COL21A1: variants seen among roughly 807,000 people sequenced by gnomAD.
COL21A1 encodes collagen alpha-1(XXI) chain.
COL21A1 carries 149 observed loss-of-function variants against 137.9 expected under a neutral mutation model. The ratio of observed to expected loss-of-function variants is 1.08; its 90% CI spans 0.95 to 1.24. COL21A1 has a LOEUF of 1.24. Ranked by LOEUF, COL21A1 falls within the 50% of genes most tolerant of loss-of-function variation. The pLI is 0.00. For synonymous variants in COL21A1, 456 were observed against 391.5 expected (o/e 1.16, Z -1.95); for missense variants, 1,167 against 1,158.4 (o/e 1.01, Z -0.11).
intron 1 of COL21A1, among the ~76,000 whole-genome samples, chr6:56,341,758 T>TTAC (rs1211363460): frequency 1.3e-5 from 2 of 152,086 alleles, no homozygotes; most frequent in African/African-American, 4.8e-5. Flanking sequence ...GGTTCATGGC[T>TTAC]TGTAACAAGT....
In COL21A1 at chr6:56,179,560, A is replaced by C. The variant is rs1325233380; in HGVS notation, c.640+18T>G. The C allele has an allele frequency of 6.4e-7, 1 of 1,572,344 alleles. No individual in the cohort carries two copies. The highest frequency in any genetic ancestry group is 8.7e-7 in the Non-Finnish European group (1 of 1,156,054). Reference sequence around the variant, plus strand: ...TATTAATTGCTTCCAAATTATATTAAGGCATTTTAAGGCTTACCTTCACAA... The same window carrying C: ...TATTAATTGCTTCCAAATTATATTACGGCATTTTAAGGCTTACCTTCACAA... On this transcript the variant is annotated intron_variant, in intron 3 of 29. Transcript: ENST00000244728.
Position 56,183,921 on chromosome 6 carries a change from G to C in COL21A1, c.-38-1265C>G, listed in dbSNP as rs146832961. Among the ~76,000 whole-genome samples the C allele has an allele frequency of 5.1e-4, 78 of 152,144 alleles. 1 individual carries two copies. The East Asian group carries it at 0.011, about 22-fold the overall frequency. Reference sequence around the variant, plus strand: ...AACATCAGAAAATGGTTTATGCAACGGGTTTACCTGCATCCACTGGAGGAA... The same window carrying C: ...AACATCAGAAAATGGTTTATGCAACCGGTTTACCTGCATCCACTGGAGGAA... On this transcript the variant is annotated intron_variant, in intron 1 of 29. Coordinates refer to ENST00000244728, the MANE Select transcript of COL21A1 (RefSeq NM_030820.4).
chr6:56,382,953 G>A (rs1039894196), intron 1 of COL21A1, among the ~76,000 whole-genome samples: 10 of 152,016 alleles, frequency 6.6e-5, no homozygotes, highest in Middle Eastern at 3.4e-3. Context: ...ATAGTCCCCC[G>A]ACCCATACCT....
upstream of COL21A1, among the ~76,000 whole-genome samples, chr6:56,250,476 C>T (rs1479163347): frequency 6.6e-6 from 1 of 152,146 alleles, no homozygotes; most frequent in Non-Finnish European, 1.5e-5. Flanking sequence ...ATCTGAGAAC[C>T]ATCCCAGGCT....
chr6:56,312,451 T>C (rs1331900413), intron 1 of COL21A1, among the ~76,000 whole-genome samples: 1 of 152,180 alleles, frequency 6.6e-6, no homozygotes, highest in Non-Finnish European at 1.5e-5. Flanking sequence ...ATGTTGGTAT[T>C]TCTGAGTCAG....
intron 3 of COL21A1, among the ~76,000 whole-genome samples, chr6:56,173,659 A>G (rs1353670927): frequency 1.3e-5 from 2 of 152,192 alleles, no homozygotes; most frequent in African/African-American, 2.4e-5. Flanking sequence ...GGAAGATATA[A>G]TAATTATGAT....
At chr6:56,124,778 A>G (rs1772877313) in intron 14 of COL21A1, among the ~76,000 whole-genome samples, 1 of 151,814 alleles carries the variant, frequency 6.6e-6, no homozygotes, top group Non-Finnish European at 1.5e-5. Flanking sequence ...AGTAGCTGGG[A>G]CTACAGGCGC....
rs1771426841 is a variant in COL21A1, at chr6:56,111,474, G to T, written c.1759-9949C>A. Among the ~76,000 whole-genome samples, 3 of 152,262 alleles carry T rather than the reference G, an allele frequency of 2.0e-5. No individual in the cohort carries two copies. In the South Asian group the frequency reaches 6.2e-4, roughly 32 times the overall value. ...TCTTAGTTTTGACAAATATACCATA[G>T]TAATATAAAATGTTAACTTCAACAG... is the stretch of plus-strand genomic sequence containing the variant. On this transcript the variant is annotated intron_variant, in intron 16 of 29. Transcript: ENST00000244728.
At chr6:56,058,728 T>G (rs945908188) in intron 29 of COL21A1, among the ~76,000 whole-genome samples, 1 of 152,170 alleles carries the variant, frequency 6.6e-6, no homozygotes, top group Non-Finnish European at 1.5e-5. Context: ...GTATTTAATC[T>G]CCCAATAACG....
chr6:56,221,918 C>A (rs1780852595), intron 1 of COL21A1, among the ~76,000 whole-genome samples: 3 of 152,054 alleles, frequency 2.0e-5, no homozygotes, highest in Admixed American at 2.0e-4. Flanking sequence ...AACACACACA[C>A]AATTTCATGG....
intron 16 of COL21A1, among the ~76,000 whole-genome samples, chr6:56,105,612 A>G (rs1770818545): frequency 6.6e-6 from 1 of 152,172 alleles, no homozygotes; most frequent in African/African-American, 2.4e-5. Flanking sequence ...ATGATTTCCA[A>G]CCAGTTGGTG....
Position 56,128,722 on chromosome 6 carries a change from G to A in COL21A1, c.1543-2573C>T, listed in dbSNP as rs1366214150. ...CAGGCTGGAGTGAAGTGGTGTGATC[G>A]CGGCTCACTGCAACCTCTGCCCCCC... On this transcript the variant is annotated intron_variant, in intron 12 of 29. Transcript: ENST00000244728. Among the ~76,000 whole-genome samples, 5 of 152,126 alleles carry A rather than the reference G, an allele frequency of 3.3e-5. No individual in the cohort carries two copies. The South Asian group carries it at 8.3e-4, about 25-fold the overall frequency.
At chr6:56,314,180 T>C (rs1764676154) in intron 1 of COL21A1, among the ~76,000 whole-genome samples, 1 of 152,164 alleles carries the variant, frequency 6.6e-6, no homozygotes, top group Non-Finnish European at 1.5e-5. Context: ...AGGCAGGGTT[T>C]CACCATGTTG....
At chr6:56,120,069 G>T in intron 16 of COL21A1, among the ~76,000 whole-genome samples, 1 of 152,130 alleles carries the variant, frequency 6.6e-6, no homozygotes, top group Non-Finnish European at 1.5e-5. Context: ...ATGTTGAAAA[G>T]CTTCTGCACA....
At chr6:56,241,019 C>T (rs1031924920) in intron 1 of COL21A1, among the ~76,000 whole-genome samples, 12 of 152,130 alleles carry the variant, frequency 7.9e-5, no homozygotes, top group Non-Finnish European at 2.9e-5. Context: ...AACCCTGCTC[C>T]CTCCCCATTC....
chr6:56,197,581 A>G (rs907233755), intron 1 of COL21A1, among the ~76,000 whole-genome samples: 5 of 152,144 alleles, frequency 3.3e-5, no homozygotes, highest in Non-Finnish European at 2.9e-5. Flanking sequence ...AGACATACAA[A>G]TGGTCAACAG....
chr6:56,243,088 T>C (rs9382596), intron 1 of COL21A1, among the ~76,000 whole-genome samples: 29,714 of 152,172 alleles, frequency 0.2, 3,598 homozygotes, highest in Non-Finnish European at 0.27. Context: ...TCATTTATAT[T>C]ACGCAAATTC....
At chr6:56,182,783 A>T in intron 1 of COL21A1, 127 bp from the exon 2 acceptor site, 1 of 566,924 alleles carries the variant, frequency 1.8e-6, no homozygotes, top group Non-Finnish European at 3.1e-6. Flanking sequence ...AATTAACTTA[A>T]ATCTGTTTAA....
chr6:56,292,091 C>T (rs1764059461), intron 1 of COL21A1, among the ~76,000 whole-genome samples: 1 of 152,114 alleles, frequency 6.6e-6, no homozygotes, highest in Non-Finnish European at 1.5e-5. Context: ...ATAGCTTGAA[C>T]CCGGGACGTG....
Sources: allele counts gnomAD v4.1 joint callset (sites outside exome capture counted in the v4.1 genomes callset), GRCh38; gene constraint gnomAD v4.1.1; transcripts MANE v1.5; gene names NCBI Gene and HGNC (gene_info 2026-07-23, HGNC 2026-07-21).